Variants in TMEM128 observed in about 807,000 individuals in gnomAD.
TMEM128 encodes transmembrane protein 128.
TMEM128 carries 16 observed loss-of-function variants against 19.7 expected under a neutral mutation model. The ratio of observed to expected loss-of-function variants is 0.81; its 90% confidence interval spans 0.55 to 1.23. The LOEUF is 1.23. TMEM128 is among the 50% of genes most tolerant of loss of function. The probability of loss-of-function intolerance (pLI) is 0.00; values close to 1 mark genes in which losing one functional copy is unlikely to be tolerated. For synonymous variants in TMEM128, 98 were observed against 75.8 expected, an observed-to-expected ratio of 1.29 and a Z score of -1.52; for missense variants, 237 against 200.8, an observed-to-expected ratio of 1.18 and a Z score of -1.09.
chr4:4,240,976 A>G (rs1328316687), intron 2 of TMEM128, among the ~76,000 whole-genome samples: 1 of 152,188 alleles, frequency 6.6e-6, no homozygotes, highest in Non-Finnish European at 1.5e-5. Flanking sequence ...TCTTGGGAGG[A>G]TGAGGCAGGA....
chr4:4,247,127 T>C (rs983351867), intron 1 of TMEM128, among the ~76,000 whole-genome samples: 1 of 152,206 alleles, frequency 6.6e-6, no homozygotes, highest in African/African-American at 2.4e-5. Flanking sequence ...ACCAGAGCTC[T>C]AGTTCCAGCA....
chr4:4,242,479 G>T (rs559971415), intron 2 of TMEM128, among the ~76,000 whole-genome samples: 1 of 151,506 alleles, frequency 6.6e-6, no homozygotes, highest in South Asian at 2.1e-4. Flanking sequence ...AGTCTTTTTA[G>T]ACATTTTTTT....
rs921406962 is a variant in TMEM128 at position 4,248,160 on chromosome 4, G to C, written c.43C>G (p.Leu15Val). The change falls in exon 1 of 5, where the codon CTC (leucine) becomes GTC (valine). Residue 15 changes from leucine (L) to valine (V), a missense_variant. Leu to Val is a conservative substitution (Grantham distance 32). Coordinates refer to ENST00000382753, the MANE Select transcript of TMEM128 (RefSeq NM_001297551.2). ...TGGGCCTCGGCGTCCGGCAGGAGGA[G>C]GAATCGCCGCCGGAGCTGCTGCCGG... ...RARQQLRRRFLLLPDAEAQLD... is the reference protein window; with the variant it reads ...RARQQLRRRFVLLPDAEAQLD... 1 of 1,533,750 alleles carries C rather than the reference G, an allele frequency of 6.5e-7. No homozygotes were observed.
At chr4:4,245,409 C>T (rs1296210539) in intron 2 of TMEM128, among the ~76,000 whole-genome samples, 1 of 152,134 alleles carries the variant, frequency 6.6e-6, no homozygotes, top group Non-Finnish European at 1.5e-5. Context: ...CCTGTAGTTA[C>T]CTTGTCAGCT....
intron 1 of TMEM128, 23 bp from the exon 2 acceptor site, chr4:4,246,366 CTT>C (rs1395598998): frequency 6.3e-7 from 1 of 1,579,472 alleles, no homozygotes; most frequent in Non-Finnish European, 8.6e-7. Context: ...GAGATTTCAA[CTT>C]ATTAAGTTAC....
chr4:4,240,712 TTTATA>T (rs1717919423), intron 2 of TMEM128, among the ~76,000 whole-genome samples: 1 of 152,150 alleles, frequency 6.6e-6, no homozygotes, highest in African/African-American at 2.4e-5. Flanking sequence ...AATACATGCA[TTTATA>T]TATACACTCT....
intron 4 of TMEM128, chr4:4,236,997 C>T (rs538991669): frequency 1.6e-5 from 7 of 442,192 alleles, no homozygotes; most frequent in African/African-American, 6.1e-5. Context: ...TCTCAATATA[C>T]ACTTATTTAA....
chr4:4,239,827 T>G lies in TMEM128; in HGVS notation c.398+494A>C, dbSNP rs556646171. Among the ~76,000 whole-genome samples, 12 of 152,348 alleles carry G rather than the reference T, an allele frequency of 7.9e-5. No homozygotes were observed. In the East Asian group the frequency reaches 2.1e-3, roughly 27 times the overall value. ...TACACCCTGTACAAATCCATTTCTA[T>G]AAAGTTCAAAAGCGTAGCTGAAACA... is the stretch of plus-strand genomic sequence containing the variant. On this transcript the variant is annotated intron_variant, in intron 3 of 4. Coordinates refer to ENST00000382753, the MANE Select transcript of TMEM128 (RefSeq NM_001297551.2).
At chr4:4,237,702 T>G (rs1216979974) in intron 4 of TMEM128, 125 bp downstream of exon 4, 1 of 612,766 alleles carries the variant, frequency 1.6e-6, no homozygotes, top group African/African-American at 1.9e-5. Context: ...TGTGGACAAC[T>G]CTGGTGTAAA....
At chr4:4,247,124 C>A (rs963623676) in intron 1 of TMEM128, among the ~76,000 whole-genome samples, 3 of 152,182 alleles carry the variant, frequency 2.0e-5, no homozygotes, top group Non-Finnish European at 4.4e-5. Flanking sequence ...CACACCAGAG[C>A]TCTAGTTCCA....
chr4:4,246,723 G>C (rs941428541), intron 1 of TMEM128, among the ~76,000 whole-genome samples: 1 of 151,942 alleles, frequency 6.6e-6, no homozygotes, highest in Non-Finnish European at 1.5e-5. Context: ...AACTGGACTT[G>C]TGGTCTTCCA....
chr4:4,244,824 T>C (rs1419248259), intron 2 of TMEM128, among the ~76,000 whole-genome samples: 1 of 152,122 alleles, frequency 6.6e-6, no homozygotes, highest in African/African-American at 2.4e-5. Context: ...TGTCCAGTTC[T>C]TCATCACACA....
intron 2 of TMEM128, among the ~76,000 whole-genome samples, chr4:4,241,629 A>G (rs910228586): frequency 6.6e-6 from 1 of 152,186 alleles, no homozygotes; most frequent in Non-Finnish European, 1.5e-5. Context: ...GCTTTTTACG[A>G]TGATGCAATT....
At chr4:4,243,235 A>G (rs1718033371) in intron 2 of TMEM128, among the ~76,000 whole-genome samples, 1 of 152,048 alleles carries the variant, frequency 6.6e-6, no homozygotes, top group African/African-American at 2.4e-5. Flanking sequence ...GCCCGCCACC[A>G]TGCCCAGCTA....
chr4:4,241,170 AAAG>A (rs1717943688), intron 2 of TMEM128, among the ~76,000 whole-genome samples: 2 of 152,264 alleles, frequency 1.3e-5, no homozygotes, highest in Admixed American at 6.5e-5. Flanking sequence ...TGACAGGATT[AAAG>A]AAGTTTATCA....
chr4:4,247,652 A>G, intron 1 of TMEM128: 1 of 1,614,188 alleles, frequency 6.2e-7, no homozygotes, highest in South Asian at 1.1e-5. Context: ...CTTCCCTTTG[A>G]AAATCATCCC....
intron 1 of TMEM128, chr4:4,247,517 C>A: frequency 6.3e-7 from 1 of 1,596,198 alleles, no homozygotes; most frequent in Admixed American, 1.7e-5. Flanking sequence ...CAGATCTAAT[C>A]CCCAGAAGCA....
chr4:4,237,347 TTA>T (rs1717759646), intron 4 of TMEM128, among the ~76,000 whole-genome samples: 1 of 152,180 alleles, frequency 6.6e-6, no homozygotes, highest in African/African-American at 2.4e-5. Flanking sequence ...AATCCTGTCT[TTA>T]TGAGGTCTTT....
intron 2 of TMEM128, among the ~76,000 whole-genome samples, chr4:4,245,930 C>A (rs1718151437): frequency 6.6e-6 from 1 of 152,064 alleles, no homozygotes; most frequent in Admixed American, 6.6e-5. Context: ...GACACAAGAC[C>A]TACTCTTAGA....
Sources: allele counts gnomAD v4.1 joint callset (sites outside exome capture counted in the v4.1 genomes callset), GRCh38; gene constraint gnomAD v4.1.1; transcripts MANE v1.5; gene names NCBI Gene and HGNC (gene_info 2026-07-23, HGNC 2026-07-21).